Variants in UNC5C observed in about 807,000 individuals in gnomAD.
The protein encoded by UNC5C is unc-5 netrin receptor C.
UNC5C carries 47 observed loss-of-function variants against 99.8 expected under a neutral mutation model. The ratio of observed to expected loss-of-function variants is 0.47; its 90% CI spans 0.37 to 0.60. UNC5C has a LOEUF of 0.60. UNC5C is among the 20% of genes least tolerant of loss of function. The pLI, the probability that UNC5C is intolerant of heterozygous loss-of-function variation, is 0.00. For synonymous variants in UNC5C, 487 were observed against 452.2 expected, an observed-to-expected ratio of 1.08 and a Z score of -0.98; for missense variants, 1,062 against 1,165.9, an observed-to-expected ratio of 0.91 and a Z score of 1.30.
chr4:95,429,505 C>A (rs1746576399), intron 1 of UNC5C, among the ~76,000 whole-genome samples: 1 of 151,748 alleles, frequency 6.6e-6, no homozygotes, highest in South Asian at 2.1e-4. Context: ...AGCTATTTGG[C>A]AATCAAAAAC....
intron 1 of UNC5C, among the ~76,000 whole-genome samples, chr4:95,540,930 A>T (rs932971514): frequency 2.6e-5 from 4 of 152,194 alleles, no homozygotes; most frequent in Admixed American, 1.3e-4. Flanking sequence ...TTTAGTTTCT[A>T]TAAAAGTTAT....
In UNC5C at chr4:95,170,318, G is replaced by A. The variant is rs755486712; in HGVS notation, c.2466C>T (p.Ile822=). The stretch of plus-strand genomic sequence containing the variant: ...TCGCAGGATCCAGCAGCGGCAAATC[G>A]ATGCCAGTAGGTTCCTGTAGTTCAG... The part of the protein sequence containing the change: ...NCTVSEEPTG[I]DLPLLDPANT... The change falls in exon 15 of 16, where the codon ATC becomes ATT. Residue 822 remains isoleucine, a synonymous_variant. Coordinates refer to ENST00000453304, the MANE Select transcript of UNC5C (RefSeq NM_003728.4). 1.1e-5 allele frequency: 17 copies of A among 1,613,992 alleles called. No individual in the cohort carries two copies. The highest frequency in any genetic ancestry group is 1.3e-5 in the Non-Finnish European group (15 of 1,179,996).
intron 7 of UNC5C, among the ~76,000 whole-genome samples, chr4:95,233,530 A>G (rs1430386139): frequency 5.5e-4 from 2 of 3,624 alleles, no homozygotes; most frequent in Admixed American, 4.7e-3. Context: ...ACTAGGCCAT[A>G]TATATAGTAT....
chr4:95,316,087 G>A (rs996748952), intron 2 of UNC5C, among the ~76,000 whole-genome samples: 24 of 152,096 alleles, frequency 1.6e-4, no homozygotes, highest in African/African-American at 5.1e-4. Context: ...ATAATGAACT[G>A]CTGTATCTGA....
intron 12 of UNC5C, among the ~76,000 whole-genome samples, chr4:95,195,193 A>G (rs1023971236): frequency 6.6e-6 from 1 of 152,192 alleles, no homozygotes; most frequent in African/African-American, 2.4e-5. Flanking sequence ...AGAACTTCAA[A>G]GAGTCCTTGA....
chr4:95,488,442 A>C (rs1721386153), intron 1 of UNC5C, among the ~76,000 whole-genome samples: 1 of 151,840 alleles, frequency 6.6e-6, no homozygotes, highest in African/African-American at 2.4e-5. Flanking sequence ...ATTTTCAACT[A>C]AAATTTCCTT....
chr4:95,285,871 G>A lies in UNC5C; in HGVS notation c.491-7509C>T, dbSNP rs555279362. Among the ~76,000 whole-genome samples the A allele has an allele frequency of 1.7e-4, 26 of 152,240 alleles. No individual in the cohort carries two copies. The South Asian group carries it at 5.4e-3, about 32-fold the overall frequency. Reference sequence around the variant, plus strand: ...CCTATTTTTTATTGTAAGTCAAAAAGGTCTGAAAACCACTGGGTAGGCTAA... The same window carrying A: ...CCTATTTTTTATTGTAAGTCAAAAAAGTCTGAAAACCACTGGGTAGGCTAA... On this transcript the variant is annotated intron_variant, in intron 3 of 15. Coordinates refer to ENST00000453304, the MANE Select transcript of UNC5C (RefSeq NM_003728.4).
intron 1 of UNC5C, among the ~76,000 whole-genome samples, chr4:95,443,011 G>A (rs993173416): frequency 6.6e-6 from 1 of 152,262 alleles, no homozygotes; most frequent in African/African-American, 2.4e-5. Context: ...GGAGCATGAG[G>A]AGATAAGCTA....
chr4:95,231,719 A>G (rs1316766999), intron 7 of UNC5C, among the ~76,000 whole-genome samples: 1 of 152,190 alleles, frequency 6.6e-6, no homozygotes, highest in African/African-American at 2.4e-5. Context: ...CTTTAAGGTC[A>G]GCTCTTATCT....
At chr4:95,268,232 C>A (rs1312543343) in intron 4 of UNC5C, among the ~76,000 whole-genome samples, 1 of 152,188 alleles carries the variant, frequency 6.6e-6, no homozygotes, top group Non-Finnish European at 1.5e-5. Context: ...AGCCACCGCG[C>A]CCGGCCTGTG....
rs755668812 is a variant in UNC5C at position 95,219,098 on chromosome 4, T to G, written c.1516A>C (p.Thr506Pro). 1.2e-5 allele frequency: 20 copies of G among 1,613,998 alleles called. No homozygotes were observed. The South Asian group carries it at 2.2e-4, about 18-fold the overall frequency. Residue 506 changes from threonine (T) to proline (P), a missense_variant, in exon 9 of 16, where the codon ACC becomes CCC. This residue lies in a region of UNC5C where 810 missense variants were observed against 854.5 expected (regional missense o/e 0.95). Coordinates refer to ENST00000453304, the MANE Select transcript of UNC5C (RefSeq NM_003728.4). Reference sequence around the variant, plus strand: ...GCTTCATTCTCCAACAACGACTGGGTCATCTGAGGGGACAGCTTGGACGTA... The same window carrying G: ...GCTTCATTCTCCAACAACGACTGGGGCATCTGAGGGGACAGCTTGGACGTA... ...EFTSKLSPQM[T>P]QSLLENEALS...
At chr4:95,324,480 C>T (rs1461314502) in intron 2 of UNC5C, among the ~76,000 whole-genome samples, 1 of 152,132 alleles carries the variant, frequency 6.6e-6, no homozygotes, top group Non-Finnish European at 1.5e-5. Flanking sequence ...ATGTAATGTA[C>T]TTGAATCATC....
chr4:95,478,293 C>A (rs1264335223), intron 1 of UNC5C, among the ~76,000 whole-genome samples: 1 of 151,886 alleles, frequency 6.6e-6, no homozygotes, highest in African/African-American at 2.4e-5. Context: ...CTCTAAGCTC[C>A]ATGATTGACA....
At chr4:95,491,636 T>C (rs1385771706) in intron 1 of UNC5C, among the ~76,000 whole-genome samples, 1 of 151,594 alleles carries the variant, frequency 6.6e-6, no homozygotes, top group African/African-American at 2.4e-5. Context: ...AATTACCACA[T>C]CAGATAGTTC....
At chr4:95,171,042 C>T (rs895918877) in intron 14 of UNC5C, among the ~76,000 whole-genome samples, 1 of 152,146 alleles carries the variant, frequency 6.6e-6, no homozygotes, top group Non-Finnish European at 1.5e-5. Context: ...TTAAGATAGT[C>T]TCAGCTCATA....
intron 1 of UNC5C, among the ~76,000 whole-genome samples, chr4:95,494,605 T>C (rs937920594): frequency 4.0e-5 from 6 of 151,440 alleles, no homozygotes; most frequent in Non-Finnish European, 7.4e-5. Flanking sequence ...ATTGGAGAAG[T>C]AAAGTTCACA....
chr4:95,215,415 A>G (rs1327187629), intron 10 of UNC5C, among the ~76,000 whole-genome samples: 2 of 152,212 alleles, frequency 1.3e-5, no homozygotes, highest in African/African-American at 4.8e-5. Context: ...TTACATGGAA[A>G]CTAATCAAGA....
intron 3 of UNC5C, among the ~76,000 whole-genome samples, chr4:95,278,914 T>C (rs1398560981): frequency 1.3e-5 from 2 of 152,212 alleles, no homozygotes; most frequent in African/African-American, 4.8e-5. Context: ...TTGGCAGTCC[T>C]TATTTTAACA....
chr4:95,412,055 A>G (rs528561375), intron 1 of UNC5C, among the ~76,000 whole-genome samples: 7 of 149,068 alleles, frequency 4.7e-5, no homozygotes, highest in African/African-American at 1.7e-4. Context: ...CTATTTCTTT[A>G]CAATATAAAT....
Sources: allele counts gnomAD v4.1 joint callset (sites outside exome capture counted in the v4.1 genomes callset), GRCh38; gene constraint gnomAD v4.1.1; regional missense constraint gnomAD v4.1.1; transcripts MANE v1.5; gene names NCBI Gene and HGNC (gene_info 2026-07-23, HGNC 2026-07-21).